Variants in CPQ observed in about 807,000 individuals in gnomAD.
The protein encoded by CPQ is carboxypeptidase Q.
A neutral mutation model predicts 45.7 loss-of-function variants in CPQ; 37 were observed. That is an observed-to-expected ratio of 0.81 (90% CI 0.62 to 1.07). The LOEUF is 1.07. Ranked by LOEUF, CPQ falls within the 50% of genes least tolerant of loss-of-function variation. The probability of loss-of-function intolerance (pLI) is 0.00; values close to 1 mark genes in which losing one functional copy is unlikely to be tolerated. For missense variants in CPQ, 537 were observed against 572.9 expected, an observed-to-expected ratio of 0.94 and a Z score of 0.64; for synonymous variants, 186 against 205.8, an observed-to-expected ratio of 0.90 and a Z score of 0.82.
At chr8:96,718,849 G>C (rs1383000465) in intron 1 of CPQ, among the ~76,000 whole-genome samples, 1 of 152,180 alleles carries the variant, frequency 6.6e-6, no homozygotes, top group African/African-American at 2.4e-5. Flanking sequence ...AGAGTAGCTA[G>C]ATACAGAGTG....
In CPQ at chr8:96,807,609, T is replaced by C. The variant is rs146751801; in HGVS notation, c.433+22279T>C. On this transcript the variant is annotated intron_variant, in intron 2 of 7. Transcript: ENST00000220763. ...AGAAGCATATTGTATGCACATTCCTTTTACACCTGCATGGTAAATGCTCTT... is the reference window on the plus strand; with the variant it reads ...AGAAGCATATTGTATGCACATTCCTCTTACACCTGCATGGTAAATGCTCTT... Among the ~76,000 whole-genome samples, 6 of 152,308 alleles carry C rather than the reference T, an allele frequency of 3.9e-5. No individual in the cohort carries two copies. In the East Asian group the frequency reaches 1.2e-3, roughly 29 times the overall value.
intron 1 of CPQ, among the ~76,000 whole-genome samples, chr8:96,698,000 C>T (rs1442985914): frequency 6.6e-6 from 1 of 151,910 alleles, no homozygotes; most frequent in Non-Finnish European, 1.5e-5. Context: ...ATAGAAAAAA[C>T]AATCCTAAAA....
intron 1 of CPQ, among the ~76,000 whole-genome samples, chr8:96,669,595 A>G (rs959158698): frequency 2.0e-5 from 3 of 152,250 alleles, no homozygotes; most frequent in Non-Finnish European, 4.4e-5. Context: ...GAAACAAAAA[A>G]CAGAGAAGAA....
intron 1 of CPQ, among the ~76,000 whole-genome samples, chr8:96,655,398 C>G (rs1445127559): frequency 6.6e-6 from 1 of 151,998 alleles, no homozygotes; most frequent in Admixed American, 6.5e-5. Context: ...TATTCTTTAT[C>G]TCTTGGGTTT....
intron 5 of CPQ, among the ~76,000 whole-genome samples, chr8:97,002,683 T>C (rs929165911): frequency 6.6e-6 from 1 of 152,118 alleles, no homozygotes; most frequent in African/African-American, 2.4e-5. Context: ...TTATGTGATT[T>C]ATTTTAAAGA....
intron 4 of CPQ, among the ~76,000 whole-genome samples, chr8:96,906,471 A>G (rs1018310828): frequency 5.3e-5 from 8 of 152,320 alleles, no homozygotes; most frequent in African/African-American, 1.9e-4. Flanking sequence ...ATGTATGCAT[A>G]TATGTGTATA....
At chr8:97,125,007 T>C (rs1317214124) in intron 7 of CPQ, among the ~76,000 whole-genome samples, 1 of 151,998 alleles carries the variant, frequency 6.6e-6, no homozygotes, top group African/African-American at 2.4e-5. Context: ...TGATAAACTA[T>C]CAAGCTGGTC....
intron 7 of CPQ, among the ~76,000 whole-genome samples, chr8:97,123,224 A>AATATAAT (rs1811785666): frequency 6.9e-6 from 1 of 145,394 alleles, no homozygotes; most frequent in African/African-American, 2.5e-5. Flanking sequence ...AATAAAATAA[A>AATATAAT]ATAAAATAAA....
intron 1 of CPQ, among the ~76,000 whole-genome samples, chr8:96,742,287 A>G (rs1417307300): frequency 6.6e-6 from 1 of 152,204 alleles, no homozygotes; most frequent in African/African-American, 2.4e-5. Context: ...ATTAGAGACT[A>G]GGATTGCAAC....
At chr8:96,987,107 CATTTT>C (rs1808999389) in intron 5 of CPQ, among the ~76,000 whole-genome samples, 1 of 152,008 alleles carries the variant, frequency 6.6e-6, no homozygotes, top group Non-Finnish European at 1.5e-5. Flanking sequence ...TATTAAAAGG[CATTTT>C]ATGTTGCATC....
chr8:97,040,803 G>C (rs1164836276), intron 6 of CPQ, among the ~76,000 whole-genome samples: 1 of 152,124 alleles, frequency 6.6e-6, no homozygotes, highest in Non-Finnish European at 1.5e-5. Flanking sequence ...AAGATACGTG[G>C]CATTATTTCT....
At chr8:96,931,730 T>C (rs1281739822) in intron 4 of CPQ, among the ~76,000 whole-genome samples, 1 of 152,196 alleles carries the variant, frequency 6.6e-6, no homozygotes, top group Non-Finnish European at 1.5e-5. Context: ...TTCGAGACTA[T>C]TGCTTTCTCC....
intron 1 of CPQ, among the ~76,000 whole-genome samples, chr8:96,764,405 C>CTTCTT (rs1488295198): frequency 6.6e-6 from 1 of 152,108 alleles, no homozygotes; most frequent in Non-Finnish European, 1.5e-5. Context: ...GCCTGAAGAA[C>CTTCTT]CTTCTGGGAG....
At chr8:96,869,100 G>A (rs1349503949) in intron 3 of CPQ, among the ~76,000 whole-genome samples, 1 of 151,886 alleles carries the variant, frequency 6.6e-6, no homozygotes, top group Non-Finnish European at 1.5e-5. Flanking sequence ...GCCAATTGAT[G>A]AGCTACAAAT....
chr8:97,130,446 C>T (rs1001005243), intron 7 of CPQ, among the ~76,000 whole-genome samples: 2 of 106,858 alleles, frequency 1.9e-5, no homozygotes, highest in African/African-American at 3.4e-5. Flanking sequence ...TTTTTTTCCA[C>T]AAAAATGTGT....
At chr8:97,021,152 G>C (rs1809672653) in intron 5 of CPQ, among the ~76,000 whole-genome samples, 1 of 152,094 alleles carries the variant, frequency 6.6e-6, no homozygotes, top group Admixed American at 6.6e-5. Flanking sequence ...TGCAGAAAAA[G>C]CATTCCACAA....
chr8:96,919,019 C>T (rs1365706808), intron 4 of CPQ, among the ~76,000 whole-genome samples: 3 of 152,072 alleles, frequency 2.0e-5, no homozygotes, highest in African/African-American at 7.2e-5. Flanking sequence ...CCTAAGATTG[C>T]CCCATGGGTA....
At chr8:96,886,555 A>C (rs781703994) in intron 4 of CPQ, among the ~76,000 whole-genome samples, 18 of 152,210 alleles carry the variant, frequency 1.2e-4, no homozygotes, top group Admixed American at 3.9e-4. Context: ...GCAGAGACAG[A>C]GAGTAGGGAT....
intron 1 of CPQ, among the ~76,000 whole-genome samples, chr8:96,781,062 C>T (rs1234105878): frequency 6.6e-6 from 1 of 152,020 alleles, no homozygotes; most frequent in African/African-American, 2.4e-5. Context: ...GATTGTGCTT[C>T]TCATATTATC....
Sources: allele counts gnomAD v4.1 joint callset (sites outside exome capture counted in the v4.1 genomes callset), GRCh38; gene constraint gnomAD v4.1.1; transcripts MANE v1.5; gene names NCBI Gene and HGNC (gene_info 2026-07-23, HGNC 2026-07-21).